The following PAICS variants were observed in gnomAD, a reference collection of about 807,000 sequenced individuals.
The protein encoded by PAICS is phosphoribosylaminoimidazole carboxylase and phosphoribosylaminoimidazolesuccinocarboxamide synthase, also known as bifunctional phosphoribosylaminoimidazole carboxylase/phosphoribosylaminoimidazole succinocarboxamide synthetase.
Under a neutral mutation model 53.7 loss-of-function variants are expected in PAICS, and 33 were observed. The observed-to-expected ratio is 0.61, with a 90% confidence interval of 0.47 to 0.82. The LOEUF (loss-of-function observed/expected upper bound fraction) is 0.82. Among genes scored for constraint, PAICS ranks in the 40% least tolerant of loss-of-function variants. The pLI is 0.00. For synonymous variants in PAICS, 141 were observed against 167.2 expected, an observed-to-expected ratio of 0.84 and a Z score of 1.21; for missense variants, 394 against 494.1, an observed-to-expected ratio of 0.80 and a Z score of 1.92.
intron 2 of PAICS, among the ~76,000 whole-genome samples, chr4:56,442,426 A>G (rs1718387453): frequency 6.6e-6 from 1 of 152,206 alleles, no homozygotes; most frequent in South Asian, 2.1e-4. Flanking sequence ...ATAGAGAAAT[A>G]GATTCAAAAG....
chr4:56,435,097 G>T (rs562182914), upstream of PAICS, among the ~76,000 whole-genome samples: 3 of 152,212 alleles, frequency 2.0e-5, no homozygotes, highest in African/African-American at 7.2e-5. Flanking sequence ...GCACACACCG[G>T]GGGGCGGGGA....
rs778771563 is a variant in PAICS, at chr4:56,448,842, T to G, written c.687+19T>G. 3.9e-5 allele frequency: 49 copies of G among 1,272,088 alleles called. 1 individual carries two copies. The East Asian group carries it at 1.1e-3, about 30-fold the overall frequency. The allele number at this position is 1,272,088 out of a possible 1,614,324, so 78.8% of individuals were successfully genotyped here. A position where few individuals can be genotyped will look rare whatever the true frequency, so the allele number is the denominator to read the frequency against. On this transcript the variant is annotated intron_variant, in intron 5 of 8. Transcript: ENST00000512576. The stretch of plus-strand genomic sequence containing the variant: ...CAAACAGGTAGATAATGCTTCAGGT[T>G]TTTTTATCCTTTTTGAGATCAAGCT...
the PAICS span, among the ~76,000 whole-genome samples, chr4:56,415,693 G>C: frequency 6.6e-6 from 1 of 152,070 alleles, no homozygotes; most frequent in Middle Eastern, 3.2e-3. Context: ...TCTCATTGCA[G>C]GACCTACTCT....
upstream of PAICS, among the ~76,000 whole-genome samples, chr4:56,434,553 G>T (rs959306884): frequency 1.3e-5 from 2 of 152,130 alleles, no homozygotes; most frequent in African/African-American, 4.8e-5. Context: ...AACTCGAAAG[G>T]ATCTCCCAAT....
chr4:56,419,662 C>A, the PAICS span: 51 of 983,620 alleles, frequency 5.2e-5, no homozygotes, highest in Non-Finnish European at 6.2e-5. Context: ...ACTTTTATCC[C>A]AACTGTAGCA....
At chr4:56,421,019 G>C in the PAICS span, 2 of 152,240 alleles carry the variant, frequency 1.3e-5, no homozygotes, top group Non-Finnish European at 2.9e-5. Context: ...GGGTTGCACA[G>C]CAGGAGGTGA....
rs2110087775 is a variant in PAICS at position 56,446,799 on chromosome 4, T to G, written c.319T>G (p.Ser107Ala). The G allele has an allele frequency of 1.2e-6, 2 of 1,609,856 alleles. No individual in the cohort carries two copies. Among genetic ancestry groups the G allele is most frequent in the Non-Finnish European group, 1.7e-6 (2 of 1,177,542 alleles). The change falls in exon 3 of 9, where the codon TCT becomes GCT. Residue 107 changes from serine to alanine, a missense_variant. Coordinates refer to ENST00000512576, the MANE Select transcript of PAICS (RefSeq NM_001079524.2). ...GGTTTGCAGAAGAATAGCAACTGGT[T>G]CTTTTCTCAAAAGAAATCCTGGTGT... ...EWVCRRIATGSFLKRNPGVKE... is the reference protein window; with the variant it reads ...EWVCRRIATGAFLKRNPGVKE...
chr4:56,435,369 G>A, upstream of PAICS: 1 of 1,613,714 alleles, frequency 6.2e-7, no homozygotes, highest in Non-Finnish European at 8.5e-7. Flanking sequence ...AGCCCCACGA[G>A]TCCCAGAGTG....
At chr4:56,434,726 G>A (rs527505353), upstream of PAICS, among the ~76,000 whole-genome samples, 1 of 151,906 alleles carries the variant, frequency 6.6e-6, no homozygotes, top group Non-Finnish European at 1.5e-5. Flanking sequence ...CCTATGGTTG[G>A]CTTATTTCCA....
the PAICS span, among the ~76,000 whole-genome samples, chr4:56,416,977 C>G: frequency 6.6e-6 from 1 of 152,038 alleles, no homozygotes. Flanking sequence ...AGCCTCCTGA[C>G]TAGCTGGGAT....
At chr4:56,446,240 C>T (rs1292321255) in intron 2 of PAICS, 8 of 602,894 alleles carry the variant, frequency 1.3e-5, no homozygotes, top group Non-Finnish European at 2.1e-5. Context: ...TTATCCATTT[C>T]CAGAACTTTT....
At chr4:56,448,117 C>T (rs1390047673) in intron 3 of PAICS, among the ~76,000 whole-genome samples, 2 of 149,586 alleles carry the variant, frequency 1.3e-5, no homozygotes, top group East Asian at 4.0e-4. Flanking sequence ...AAATGATTCT[C>T]CTGCCTCAGC....
chr4:56,459,119 C>T (rs1719369517), intron 8 of PAICS, among the ~76,000 whole-genome samples: 1 of 152,090 alleles, frequency 6.6e-6, no homozygotes, highest in Admixed American at 6.6e-5. Context: ...TAAGTGAGTT[C>T]TATAAGAAGG....
the PAICS span, among the ~76,000 whole-genome samples, chr4:56,413,330 T>G: frequency 4.6e-5 from 7 of 152,138 alleles, no homozygotes; most frequent in East Asian, 1.4e-3. Context: ...AGTTTTTGTA[T>G]TTTTAGGAGA....
At chr4:56,438,398 T>C (rs1372395069) in intron 1 of PAICS, among the ~76,000 whole-genome samples, 1 of 142,756 alleles carries the variant, frequency 7.0e-6, no homozygotes, top group African/African-American at 2.7e-5. Context: ...TATATATATA[T>C]ATATAAAAGG....
intron 5 of PAICS, 85 bp downstream of exon 5, chr4:56,448,908 T>G (rs1718757179): frequency 4.2e-6 from 3 of 714,952 alleles, no homozygotes; most frequent in Non-Finnish European, 7.4e-6. Flanking sequence ...AAAAGCAAAT[T>G]ATTGTTCCTA....
the PAICS span, among the ~76,000 whole-genome samples, chr4:56,424,393 T>A: frequency 1.3e-5 from 2 of 152,178 alleles, no homozygotes; most frequent in African/African-American, 2.4e-5. Flanking sequence ...CGTAGCTAGG[T>A]TATCATGCTC....
chr4:56,417,142 C>T, the PAICS span, among the ~76,000 whole-genome samples: 1 of 152,222 alleles, frequency 6.6e-6, no homozygotes, highest in South Asian at 2.1e-4. Context: ...AGCCACTGCA[C>T]CCGGCCGCTT....
At chr4:56,433,699 G>GTTTT (rs35741626), upstream of PAICS, among the ~76,000 whole-genome samples, 1 of 141,452 alleles carries the variant, frequency 7.1e-6, no homozygotes, top group Admixed American at 7.6e-5. Flanking sequence ...AATAACAACT[G>GTTTT]TTTTTTTTTT....
Sources: allele counts gnomAD v4.1 joint callset (sites outside exome capture counted in the v4.1 genomes callset), GRCh38; gene constraint gnomAD v4.1.1; transcripts MANE v1.5; gene names NCBI Gene and HGNC (gene_info 2026-07-23, HGNC 2026-07-21).